The following TRDMT1 variants were observed in gnomAD, a reference collection of about 807,000 sequenced individuals.
TRDMT1 encodes the protein tRNA (cytosine(38)-C(5))-methyltransferase.
In TRDMT1, 49 loss-of-function variants were observed where a neutral mutation model predicts 51.2. The ratio of observed to expected loss-of-function variants is 0.96; its 90% CI spans 0.76 to 1.21. TRDMT1 has a LOEUF of 1.21. Among genes scored for constraint, TRDMT1 ranks in the 50% most tolerant of loss-of-function variants. The pLI is 0.00. For missense variants in TRDMT1, 534 were observed against 462.3 expected (o/e 1.16, Z -1.42); for synonymous variants, 187 against 164.6 (o/e 1.14, Z -1.04).
At chr10:17,195,805 T>C (rs893492581) in intron 1 of TRDMT1, among the ~76,000 whole-genome samples, 3 of 152,114 alleles carry the variant, frequency 2.0e-5, no homozygotes, top group African/African-American at 7.2e-5. Context: ...AGAGAAGAAA[T>C]GATAAATTTA....
chr10:17,138,614 A>G lies in TRDMT1; in HGVS notation c.*10426T>C, dbSNP rs779664656. Among the ~76,000 whole-genome samples the G allele has an allele frequency of 2.6e-5, 4 of 152,090 alleles. No homozygotes were observed. Among genetic ancestry groups the G allele is most frequent in the Non-Finnish European group, 5.9e-5 (4 of 68,020 alleles). ...AAGCAGACATTTGTTCTCCATGCTCATTATTACAATGACTACAATTATCTT... is the reference window on the plus strand; with the variant it reads ...AAGCAGACATTTGTTCTCCATGCTCGTTATTACAATGACTACAATTATCTT... On this transcript the variant is annotated 3_prime_UTR_variant, in exon 11 of 11. Transcript: ENST00000377799.
At chr10:17,153,410 A>G (rs1297039849) in intron 10 of TRDMT1, 97 bp downstream of exon 10, 2 of 1,387,344 alleles carry the variant, frequency 1.4e-6, no homozygotes, top group Non-Finnish European at 2.0e-6. Context: ...AGGTTTCTTG[A>G]GCCCATTTGT....
chr10:17,168,914 T>C lies in TRDMT1; in HGVS notation c.178A>G (p.Ile60Val), dbSNP rs35597944. Residue 60 changes from isoleucine to valine, a missense_variant, in exon 3 of 11, where the codon ATT becomes GTT. Coordinates refer to ENST00000377799, the MANE Select transcript of TRDMT1 (RefSeq NM_004412.7). Reference sequence around the variant, plus strand: ...AATCTGTCAAACTCTTCGAGTGTAATGCCCTGAGGAATGAACATTTAGGGG... The same window carrying C: ...AATCTGTCAAACTCTTCGAGTGTAACGCCCTGAGGAATGAACATTTAGGGG... The part of the protein sequence containing the change: ...TQLLAKTIEG[I>V]TLEEFDRLSF... 2,322 of 1,607,202 alleles carry C rather than the reference T, an allele frequency of 1.4e-3. 31 individuals are homozygous for C. The African/African-American group carries it at 0.026, about 18-fold the overall frequency.
chr10:17,188,367 T>A (rs1844214953), intron 1 of TRDMT1, among the ~76,000 whole-genome samples: 1 of 152,188 alleles, frequency 6.6e-6, no homozygotes, highest in Non-Finnish European at 1.5e-5. Flanking sequence ...AAGTGTTTAT[T>A]CATGCTCTGC....
At chr10:17,186,260 C>A (rs1053438077) in intron 1 of TRDMT1, among the ~76,000 whole-genome samples, 1 of 152,020 alleles carries the variant, frequency 6.6e-6, no homozygotes, top group Non-Finnish European at 1.5e-5. Context: ...ACATCTTAAT[C>A]CCTGAAACCT....
intron 1 of TRDMT1, among the ~76,000 whole-genome samples, chr10:17,190,432 GCA>G (rs778029480): frequency 1.2e-5 from 1 of 82,384 alleles, no homozygotes. Flanking sequence ...GAATAAAAGA[GCA>G]AAAAAAAAAA....
At chr10:17,181,897 G>A (rs1483218939) in intron 1 of TRDMT1, among the ~76,000 whole-genome samples, 1 of 152,112 alleles carries the variant, frequency 6.6e-6, no homozygotes, top group African/African-American at 2.4e-5. Context: ...TCTGGCAATA[G>A]TCCCAGATTT....
At chr10:17,193,824 T>C (rs1426989910) in intron 1 of TRDMT1, among the ~76,000 whole-genome samples, 2 of 152,210 alleles carry the variant, frequency 1.3e-5, no homozygotes, top group Non-Finnish European at 1.5e-5. Flanking sequence ...AAAACTCATA[T>C]GGAACCATAT....
intron 10 of TRDMT1, chr10:17,150,906 C>G (rs1838609639): frequency 8.1e-6 from 8 of 984,958 alleles, no homozygotes; most frequent in Non-Finnish European, 8.4e-6. Context: ...TTAGACTATC[C>G]CAGAGATGAT....
In TRDMT1 at chr10:17,148,811, T is replaced by A; in HGVS notation, c.*229A>T. Reference sequence around the variant, plus strand: ...CACATATATATTTATCAGTTTCATATGAAAATATACTCTCCATAAAGCATA... The same window carrying A: ...CACATATATATTTATCAGTTTCATAAGAAAATATACTCTCCATAAAGCATA... On this transcript the variant is annotated 3_prime_UTR_variant, in exon 11 of 11. Coordinates refer to ENST00000377799, the MANE Select transcript of TRDMT1 (RefSeq NM_004412.7). 1 of 1,087,310 alleles carries A rather than the reference T, an allele frequency of 9.2e-7. No homozygotes were observed. The highest frequency in any genetic ancestry group is 3.3e-5 in the South Asian group (1 of 30,406). The allele number at this position is 1,087,310 out of a possible 1,614,324, so 67.4% of individuals were successfully genotyped here.
Position 17,144,873 on chromosome 10 carries a change from G to C in TRDMT1, c.*4167C>G, listed in dbSNP as rs1837969176. The C allele has an allele frequency of 1.0e-6, 1 of 985,114 alleles. No individual in the cohort carries two copies. Among genetic ancestry groups the C allele is most frequent in the Admixed American group, 6.2e-5 (1 of 16,242 alleles). 61.0% of individuals were successfully genotyped at this position (985,114 alleles called of 1,614,324 possible). A position where few individuals can be genotyped will look rare whatever the true frequency, so the allele number is the denominator to read the frequency against. On this transcript the variant is annotated 3_prime_UTR_variant, in exon 11 of 11. Transcript: ENST00000377799. Reference sequence around the variant, plus strand: ...CCAGCAAAGACAAGAAATAGTGAAAGGGAAAATGATGCACACAGGTTGACT... The same window carrying C: ...CCAGCAAAGACAAGAAATAGTGAAACGGAAAATGATGCACACAGGTTGACT...
chr10:17,166,773 G>C (rs1841272927), intron 3 of TRDMT1, among the ~76,000 whole-genome samples: 1 of 152,216 alleles, frequency 6.6e-6, no homozygotes, highest in Non-Finnish European at 1.5e-5. Flanking sequence ...GCTAAGACAA[G>C]GGGGAGGTGG....
chr10:17,178,880 T>C (rs1295908517), intron 1 of TRDMT1, among the ~76,000 whole-genome samples: 4 of 152,122 alleles, frequency 2.6e-5, no homozygotes, highest in Non-Finnish European at 4.4e-5. Context: ...CCAGACTAAA[T>C]ATAAGAGACC....
chr10:17,201,475 G>T, intron 1 of TRDMT1, 96 bp downstream of exon 1: 2 of 1,325,010 alleles, frequency 1.5e-6, no homozygotes, highest in South Asian at 1.3e-5. Flanking sequence ...CACAGTGTCC[G>T]CCCCTTGCGT....
At chr10:17,162,469 A>G (rs978663455) in intron 3 of TRDMT1, among the ~76,000 whole-genome samples, 3 of 152,152 alleles carry the variant, frequency 2.0e-5, no homozygotes, top group African/African-American at 7.2e-5. Flanking sequence ...GCACTTTGGG[A>G]GGTGAGGCAG....
intron 3 of TRDMT1, among the ~76,000 whole-genome samples, chr10:17,166,742 G>A (rs758451112): frequency 6.6e-6 from 1 of 152,166 alleles, no homozygotes; most frequent in Admixed American, 6.5e-5. Context: ...AGTTACTCCT[G>A]CCATCAGCAG....
chr10:17,144,253 T>A lies in TRDMT1; in HGVS notation c.*4787A>T. ...TTTAGCTAAACAAACATGTTCTCTA[T>A]GTACACTCTTATAATTTCAATCTGT... On this transcript the variant is annotated 3_prime_UTR_variant, in exon 11 of 11. Transcript: ENST00000377799. 1 of 985,672 alleles carries A rather than the reference T, an allele frequency of 1.0e-6. No individual in the cohort carries two copies. The highest frequency in any genetic ancestry group is 4.7e-5 in the South Asian group (1 of 21,288). The allele number at this position is 985,672 out of a possible 1,614,324, so 61.1% of individuals were successfully genotyped here. A position where few individuals can be genotyped will look rare whatever the true frequency, so the allele number is the denominator to read the frequency against.
chr10:17,171,916 A>C (rs1262995770), intron 2 of TRDMT1: 1 of 165,672 alleles, frequency 6.0e-6, no homozygotes, highest in Non-Finnish European at 1.5e-5. Flanking sequence ...ATCTATTTTT[A>C]TTAAGAGTTT....
chr10:17,177,713 AACACACAC>A (rs372220525), intron 1 of TRDMT1, among the ~76,000 whole-genome samples: 65 of 147,148 alleles, frequency 4.4e-4, no homozygotes, highest in South Asian at 2.8e-3. Flanking sequence ...ATAGACAAGA[AACACACAC>A]ACACACACAC....
Sources: gnomAD v4.1 joint callset for allele counts (sites outside exome capture counted in the v4.1 genomes callset) on GRCh38, gnomAD v4.1.1 for gene constraint, MANE v1.5 for transcripts, NCBI Gene and HGNC (gene_info 2026-07-23, HGNC 2026-07-21) for gene names.